Variants in PADI1 observed in about 807,000 individuals in gnomAD.
PADI1 encodes the protein peptidyl arginine deiminase 1, also known as protein-arginine deiminase type-1.
A neutral mutation model predicts 74.8 loss-of-function variants in PADI1; 65 were observed. The ratio of observed to expected loss-of-function variants is 0.87; its 90% confidence interval spans 0.71 to 1.07. PADI1 has a LOEUF of 1.07. PADI1 is among the 50% of genes least tolerant of loss of function. The probability of loss-of-function intolerance (pLI) is 0.00; values close to 1 mark genes in which losing one functional copy is unlikely to be tolerated. For missense variants in PADI1, 943 were observed against 854.0 expected, an observed-to-expected ratio of 1.10 and a Z score of -1.30; for synonymous variants, 371 against 336.2, an observed-to-expected ratio of 1.10 and a Z score of -1.13.
At chr1:17,232,596 T>G (rs1475317831) in intron 10 of PADI1, among the ~76,000 whole-genome samples, 1 of 152,198 alleles carries the variant, frequency 6.6e-6, no homozygotes, top group Non-Finnish European at 1.5e-5. Flanking sequence ...TTCCAAACAT[T>G]TGGGGGAGTT....
At chr1:17,223,784 C>T (rs558972486) in intron 3 of PADI1, 91 bp downstream of exon 3, 239 of 1,055,170 alleles carry the variant, frequency 2.3e-4, no homozygotes, top group Non-Finnish European at 2.7e-4. Context: ...GAGTGGAAGA[C>T]CCATGGCCAG....
chr1:17,221,460 C>T (rs1226271871), intron 1 of PADI1, among the ~76,000 whole-genome samples: 6 of 133,288 alleles, frequency 4.5e-5, no homozygotes, highest in Non-Finnish European at 9.2e-5. Flanking sequence ...GAGAGTGAGA[C>T]TCTGTCTCAA....
intron 10 of PADI1, 58 bp from the exon 11 acceptor site, chr1:17,232,761 G>A (rs1041966510): frequency 7.2e-6 from 11 of 1,535,360 alleles, no homozygotes; most frequent in Admixed American, 5.5e-5. Context: ...GAACTGCCTC[G>A]TCCTGTCCTC....
chr1:17,210,280 C>A (rs2100396589), intron 1 of PADI1, among the ~76,000 whole-genome samples: 1 of 152,182 alleles, frequency 6.6e-6, no homozygotes, highest in South Asian at 2.1e-4. Context: ...CCTTAGCCCC[C>A]CAAGTAGCTA....
chr1:17,233,438 G>A (rs1020494360), intron 11 of PADI1, among the ~76,000 whole-genome samples: 1 of 152,242 alleles, frequency 6.6e-6, no homozygotes, highest in African/African-American at 2.4e-5. Context: ...GGTGGCTGCA[G>A]GTAAGCAAGT....
intron 1 of PADI1, among the ~76,000 whole-genome samples, chr1:17,207,689 G>T (rs796371383): frequency 1.3e-5 from 2 of 152,236 alleles, no homozygotes; most frequent in African/African-American, 4.8e-5. Context: ...GCCCAGCGGA[G>T]GGGCAACGGG....
chr1:17,219,845 A>G (rs2072086681), intron 1 of PADI1, among the ~76,000 whole-genome samples: 1 of 152,062 alleles, frequency 6.6e-6, no homozygotes. Flanking sequence ...GTCACCAGGG[A>G]GATGGCTGAA....
rs2072868649 is a variant in PADI1 at position 17,245,711 on chromosome 1, C to T, written c.*1468C>T. ...CTCTATTTGCAAGCTCCTGCTTTAA[C>T]CTGAGCGTCCTCTGCTCAGGATCAT... On this transcript the variant is annotated 3_prime_UTR_variant, in exon 16 of 16. Coordinates refer to ENST00000375471, the MANE Select transcript of PADI1 (RefSeq NM_013358.3). The surrounding 1 kb of genome is among the most constrained non-coding windows in gnomAD (Gnocchi z 4.1). 6.6e-6 allele frequency: 1 copy of T among 152,246 alleles called. No homozygotes were observed. Among genetic ancestry groups the T allele is most frequent in the South Asian group, 2.1e-4 (1 of 4,836 alleles). The allele number at this position is 152,246 out of a possible 1,614,324, so 9.4% of individuals were successfully genotyped here.
Position 17,244,130 on chromosome 1 carries a change from T to C in PADI1, c.1879T>C (p.Cys627Arg). 1 of 1,614,208 alleles carries C rather than the reference T, an allele frequency of 6.2e-7. No homozygotes were observed. Among genetic ancestry groups the C allele is most frequent in the South Asian group, 1.1e-5 (1 of 91,086 alleles). Residue 627 changes from cysteine (C) to arginine (R), a missense_variant, in exon 16 of 16, where the codon TGC becomes CGC. Cys to Arg is a radical substitution (Grantham distance 180). Coordinates refer to ENST00000375471, the MANE Select transcript of PADI1 (RefSeq NM_013358.3). ...CCTGCTGGAGCCTCTGGGCCTGCAC[T>C]GCATCTTCATTGATGACTACTTGTC... ...QSLLEPLGLH[C>R]IFIDDYLSYH...
intron 1 of PADI1, among the ~76,000 whole-genome samples, chr1:17,212,254 T>TTCATTCCA (rs1393233145): frequency 6.6e-6 from 1 of 152,212 alleles, no homozygotes. Flanking sequence ...ACCTAGCGGC[T>TTCATTCCA]GGCACCTGTG....
chr1:17,222,554 C>G (rs2072188011), intron 2 of PADI1, 84 bp downstream of exon 2: 2 of 1,019,606 alleles, frequency 2.0e-6, no homozygotes, highest in East Asian at 2.4e-5. Flanking sequence ...AATTCCCATT[C>G]CAAAGCTCCC....
At chr1:17,241,171 C>T (rs1347198294) in intron 15 of PADI1, among the ~76,000 whole-genome samples, 4 of 152,336 alleles carry the variant, frequency 2.6e-5, no homozygotes, top group Middle Eastern at 3.4e-3. Context: ...GCTTGCTGCT[C>T]CCCAGTGGGG....
chr1:17,232,890 C>T lies in PADI1; in HGVS notation c.1233C>T (p.Asn411=). 3 of 1,613,596 alleles carry T rather than the reference C, an allele frequency of 1.9e-6. No individual in the cohort carries two copies. The highest frequency in any genetic ancestry group is 1.3e-5 in the African/African-American group (1 of 75,012). The part of the protein sequence containing the change: ...PGPSSLDSFG[N]LDVSPPVTVG... ...CCTCCAGCCTTGACTCCTTCGGCAA[C>T]CTGGACGTCAGCCCGCCCGTCACGG... Residue 411 remains asparagine (N), a synonymous_variant, in exon 11 of 16, where the codon AAC becomes AAT. Transcript: ENST00000375471.
intron 10 of PADI1, 76 bp from the exon 11 acceptor site, chr1:17,232,743 T>C: frequency 7.3e-7 from 1 of 1,367,288 alleles, no homozygotes. Flanking sequence ...AACTCCCCTC[T>C]ACTCCAAGAA....
rs764357349 is a variant in PADI1 at position 17,222,261 on chromosome 1, G to A, written c.93-29G>A. Reference sequence around the variant, plus strand: ...CCCCTGAAGAGAGATGGGAAGACTGGTTCTCTTCCCATCTCTCTTCTCTGC... The same window carrying A: ...CCCCTGAAGAGAGATGGGAAGACTGATTCTCTTCCCATCTCTCTTCTCTGC... On this transcript the variant is annotated intron_variant, in intron 1 of 15. Transcript: ENST00000375471. The A allele has an allele frequency of 8.9e-6, 14 of 1,567,188 alleles. No homozygotes were observed. In the South Asian group the frequency reaches 1.6e-4, roughly 17 times the overall value.
intron 1 of PADI1, among the ~76,000 whole-genome samples, chr1:17,210,085 C>T (rs1209070650): frequency 6.6e-6 from 1 of 152,102 alleles, no homozygotes; most frequent in African/African-American, 2.4e-5. Context: ...GGTGATCTGC[C>T]CACCTCGGCC....
intron 12 of PADI1, among the ~76,000 whole-genome samples, chr1:17,238,284 T>C (rs2977307): frequency 0.19 from 29,304 of 152,262 alleles, 3,198 homozygotes; most frequent in African/African-American, 0.29. Flanking sequence ...GCAGGTGATC[T>C]GCCCACCTTG....
In PADI1 at chr1:17,228,793, C is replaced by CG. The variant is rs34799498; in HGVS notation, c.825+1dup. ...TCCCTCAGTGTCAGCCTGGTGGACC[C>CG]GGGGGTGTGTACAGCACTGGGGGGT... is the stretch of plus-strand genomic sequence containing the variant. On this transcript the variant is annotated frameshift_variant, in exon 7 of 16. Coordinates refer to ENST00000375471, the MANE Select transcript of PADI1 (RefSeq NM_013358.3). LOFTEE classifies it high-confidence loss of function. The CG allele has an allele frequency of 8.9e-4, 1,439 of 1,608,312 alleles. 6 individuals carry two copies. The highest frequency in any genetic ancestry group is 8.9e-4 in the East Asian group (40 of 44,740).
intron 1 of PADI1, among the ~76,000 whole-genome samples, chr1:17,215,621 T>C (rs1170629274): frequency 3.9e-5 from 6 of 152,136 alleles, no homozygotes; most frequent in Non-Finnish European, 1.5e-5. Context: ...TGTGGCTACT[T>C]GCTCTTGGAA....
Sources: allele counts gnomAD v4.1 joint callset (sites outside exome capture counted in the v4.1 genomes callset), GRCh38; gene constraint gnomAD v4.1.1; non-coding constraint Gnocchi (gnomAD v3.1); transcripts MANE v1.5; gene names NCBI Gene and HGNC (gene_info 2026-07-23, HGNC 2026-07-21).